Variants in LRCH1 observed in about 807,000 individuals in gnomAD.
LRCH1 encodes leucine rich repeats and calponin homology domain containing 1.
LRCH1 carries 23 observed loss-of-function variants against 94.9 expected under a neutral mutation model. The ratio of observed to expected loss-of-function variants is 0.24; its 90% CI spans 0.17 to 0.34. The LOEUF is 0.34. Ranked by LOEUF, LRCH1 falls within the 10% of genes least tolerant of loss-of-function variation. The pLI is 1.00. For missense variants in LRCH1, 790 were observed against 945.9 expected, an observed-to-expected ratio of 0.84 and a Z score of 2.16; for synonymous variants, 364 against 354.9, an observed-to-expected ratio of 1.03 and a Z score of -0.29.
At chr13:46,608,883 C>CAGTGTGTAA (rs1277070176) in intron 1 of LRCH1, among the ~76,000 whole-genome samples, 1 of 152,188 alleles carries the variant, frequency 6.6e-6, no homozygotes, top group Non-Finnish European at 1.5e-5. Context: ...ACATTGCATG[C>CAGTGTGTAA]ATTCTCCTTA....
Position 46,553,334 on chromosome 13 carries a change from C to A in LRCH1, c.-63C>A. On this transcript the variant is annotated 5_prime_UTR_variant, in exon 1 of 20. Transcript: ENST00000389797. Reference sequence around the variant, plus strand: ...TCAGCCCGAGCTGCCGTTTTCCCCTCGCGGGGAACGCTGTGACCCCCCCGC... The same window carrying A: ...TCAGCCCGAGCTGCCGTTTTCCCCTAGCGGGGAACGCTGTGACCCCCCCGC... The A allele has an allele frequency of 1.4e-6, 2 of 1,380,480 alleles. No individual in the cohort carries two copies. The highest frequency in any genetic ancestry group is 2.0e-6 in the Non-Finnish European group (2 of 1,025,422). 85.5% of individuals were successfully genotyped at this position (1,380,480 alleles called of 1,614,324 possible).
chr13:46,620,157 C>G (rs536875975), intron 1 of LRCH1, among the ~76,000 whole-genome samples: 1 of 152,272 alleles, frequency 6.6e-6, no homozygotes, highest in Admixed American at 6.5e-5. Context: ...TCCACAGCTA[C>G]CCAGTGGCCT....
chr13:46,673,784 T>C (rs529108776), intron 3 of LRCH1, among the ~76,000 whole-genome samples: 83 of 147,840 alleles, frequency 5.6e-4, no homozygotes, highest in Middle Eastern at 3.4e-3. Flanking sequence ...AGACAGAGTC[T>C]TGCTCTGTCA....
chr13:46,740,986 C>G (rs1409540933), intron 19 of LRCH1, among the ~76,000 whole-genome samples: 2 of 152,192 alleles, frequency 1.3e-5, no homozygotes, highest in Non-Finnish European at 2.9e-5. Context: ...CTTTTACTCT[C>G]TACTCTCACT....
chr13:46,597,553 C>T (rs866865933), intron 1 of LRCH1, among the ~76,000 whole-genome samples: 5 of 152,086 alleles, frequency 3.3e-5, no homozygotes, highest in African/African-American at 4.8e-5. Flanking sequence ...GACAGGGTTT[C>T]ACCATGTCGA....
At chr13:46,704,715 T>A (rs2138186547) in intron 11 of LRCH1, among the ~76,000 whole-genome samples, 1 of 152,232 alleles carries the variant, frequency 6.6e-6, no homozygotes, top group East Asian at 1.9e-4. Flanking sequence ...GTACATATAC[T>A]ATAATGTAAT....
At position 46,742,203 on chromosome 13, in the gene LRCH1, G is replaced by A. The variant is rs533451113; in HGVS notation, c.*355G>A. ...GGGAGGAGAATTCCAGGACAAGAGT[G>A]TCAAGGACAGGGATTTAGCATATGG... On this transcript the variant is annotated 3_prime_UTR_variant, in exon 20 of 20. Coordinates refer to ENST00000389797, the MANE Select transcript of LRCH1 (RefSeq NM_001164211.2). 552 of 1,127,684 alleles carry A rather than the reference G, an allele frequency of 4.9e-4. 3 individuals are homozygous for A. The South Asian group carries it at 0.011, about 23-fold the overall frequency. 69.9% of individuals were successfully genotyped at this position (1,127,684 alleles called of 1,614,324 possible).
At chr13:46,590,793 TCA>T (rs1451330333) in intron 1 of LRCH1, among the ~76,000 whole-genome samples, 1 of 152,238 alleles carries the variant, frequency 6.6e-6, no homozygotes, top group East Asian at 1.9e-4. Context: ...GTGAATGGAT[TCA>T]CCTTCTTTCT....
intron 1 of LRCH1, among the ~76,000 whole-genome samples, chr13:46,582,302 G>A (rs2050377371): frequency 1.3e-5 from 2 of 149,028 alleles, no homozygotes; most frequent in South Asian, 2.1e-4. Flanking sequence ...ATCTGAGCAT[G>A]TTGAAAGACA....
At chr13:46,671,821 C>T (rs1012768178) in intron 3 of LRCH1, among the ~76,000 whole-genome samples, 2 of 152,132 alleles carry the variant, frequency 1.3e-5, no homozygotes, top group Admixed American at 1.3e-4. Flanking sequence ...CAAAGATATC[C>T]CACATACCCT....
At chr13:46,655,953 T>C (rs1205394471) in intron 2 of LRCH1, among the ~76,000 whole-genome samples, 1 of 152,218 alleles carries the variant, frequency 6.6e-6, no homozygotes, top group Admixed American at 6.5e-5. Flanking sequence ...AGGAGTGGGT[T>C]CCGAAGCATT....
intron 3 of LRCH1, among the ~76,000 whole-genome samples, chr13:46,674,623 G>T (rs1191671951): frequency 6.6e-6 from 1 of 152,192 alleles, no homozygotes; most frequent in Non-Finnish European, 1.5e-5. Flanking sequence ...ACGTCTATCT[G>T]CCTGTGCTTT....
intron 13 of LRCH1, among the ~76,000 whole-genome samples, chr13:46,707,911 A>G (rs1327666631): frequency 6.6e-6 from 1 of 152,220 alleles, no homozygotes; most frequent in Non-Finnish European, 1.5e-5. Context: ...AGGTAAAGGT[A>G]TAAGTGAAAA....
chr13:46,649,853 A>C lies in LRCH1; in HGVS notation c.308-348A>C, dbSNP rs1261265566. On this transcript the variant is annotated intron_variant, in intron 1 of 19. Transcript: ENST00000389797. ...CAAAAAAAAAAAAAAAATTGAATTA[A>C]TAATTTTGGTAAATATATATGTATT... 4.6e-5 allele frequency among the ~76,000 whole-genome samples: 7 copies of C among 152,214 alleles called. No individual in the cohort carries two copies. The East Asian group carries it at 1.2e-3, about 25-fold the overall frequency.
intron 1 of LRCH1, among the ~76,000 whole-genome samples, chr13:46,606,728 C>T (rs779828480): frequency 3.3e-5 from 5 of 152,090 alleles, no homozygotes; most frequent in African/African-American, 7.2e-5. Flanking sequence ...TGGGCCACTA[C>T]GCTCGGCCAA....
chr13:46,562,459 T>C (rs1566144122), intron 1 of LRCH1, among the ~76,000 whole-genome samples: 1 of 152,172 alleles, frequency 6.6e-6, no homozygotes, highest in Non-Finnish European at 1.5e-5. Flanking sequence ...CAAATCCTTG[T>C]TGTCCCTTCC....
intron 1 of LRCH1, among the ~76,000 whole-genome samples, chr13:46,560,140 C>CAT (rs58876595): frequency 1.5e-5 from 2 of 133,892 alleles, no homozygotes; most frequent in East Asian, 2.3e-4. Context: ...TCTGTTCCCC[C>CAT]ATATATATAG....
At chr13:46,660,292 G>A (rs1593332423) in intron 2 of LRCH1, among the ~76,000 whole-genome samples, 3 of 151,970 alleles carry the variant, frequency 2.0e-5, no homozygotes, top group African/African-American at 7.3e-5. Flanking sequence ...GGGATTACAG[G>A]CGTGAGCCAC....
At chr13:46,617,802 C>T (rs2050829117) in intron 1 of LRCH1, among the ~76,000 whole-genome samples, 1 of 152,212 alleles carries the variant, frequency 6.6e-6, no homozygotes, top group South Asian at 2.1e-4. Flanking sequence ...AGCTCTCATT[C>T]AGGATAGGCC....
Sources: allele counts gnomAD v4.1 joint callset (sites outside exome capture counted in the v4.1 genomes callset), GRCh38; gene constraint gnomAD v4.1.1; transcripts MANE v1.5; gene names NCBI Gene and HGNC (gene_info 2026-07-23, HGNC 2026-07-21).